Variants in NXN observed in about 807,000 individuals in gnomAD.
NXN encodes the protein nucleoredoxin 1.
Under a neutral mutation model 48.6 loss-of-function variants are expected in NXN, and 16 were observed. That is an observed-to-expected ratio of 0.33 (90% CI 0.22 to 0.50). The LOEUF (loss-of-function observed/expected upper bound fraction) is 0.50. Ranked by LOEUF, NXN falls within the 20% of genes least tolerant of loss-of-function variation. NXN has a pLI of 0.98. For missense variants in NXN, 492 were observed against 605.5 expected, an observed-to-expected ratio of 0.81 and a Z score of 1.97; for synonymous variants, 281 against 269.6, an observed-to-expected ratio of 1.04 and a Z score of -0.41.
intron 1 of NXN, among the ~76,000 whole-genome samples, chr17:903,502 C>T (rs767963654): frequency 6.6e-6 from 1 of 152,154 alleles, no homozygotes; most frequent in Non-Finnish European, 1.5e-5. Context: ...CCCACCTCCA[C>T]CTCCTGAGTA....
rs569708797 is a variant in NXN, at chr17:948,237, A to G, written c.360+31082T>C. 7.9e-4 allele frequency among the ~76,000 whole-genome samples: 120 copies of G among 152,276 alleles called. No individual in the cohort carries two copies. The South Asian group carries it at 0.024, about 30-fold the overall frequency. The stretch of plus-strand genomic sequence containing the variant: ...CTAGAGGTAATTTACAGTACACAGG[A>G]TTACCCCATTTACCCTGGTGTGATG... On this transcript the variant is annotated intron_variant, in intron 1 of 7. Transcript: ENST00000336868.
chr17:887,430 T>A (rs1402067096), intron 1 of NXN, among the ~76,000 whole-genome samples: 1 of 152,108 alleles, frequency 6.6e-6, no homozygotes, highest in Non-Finnish European at 1.5e-5. Flanking sequence ...CTGCCGTTCA[T>A]ATGCTCGTCA....
At chr17:864,327 C>T (rs765320806) in intron 1 of NXN, among the ~76,000 whole-genome samples, 5 of 152,316 alleles carry the variant, frequency 3.3e-5, no homozygotes, top group Non-Finnish European at 4.4e-5. Context: ...ATCAAAACCA[C>T]GGTTCTTCAG....
At chr17:844,418 T>G (rs572058550) in intron 1 of NXN, among the ~76,000 whole-genome samples, 1 of 152,068 alleles carries the variant, frequency 6.6e-6, no homozygotes, top group Admixed American at 6.6e-5. Flanking sequence ...CTGCCCTCCT[T>G]AGCTGGAAGG....
chr17:835,736 G>A (rs1168725065), intron 1 of NXN, among the ~76,000 whole-genome samples: 8 of 135,808 alleles, frequency 5.9e-5, no homozygotes, highest in Middle Eastern at 3.4e-3. Context: ...AAAAAACACC[G>A]GTGGGATTCG....
intron 1 of NXN, among the ~76,000 whole-genome samples, chr17:851,938 A>C (rs1289036968): frequency 6.6e-6 from 1 of 152,248 alleles, no homozygotes. Flanking sequence ...ATGGCGCCAC[A>C]GCGAGACTTT....
chr17:879,695 A>G (rs1432805943), intron 1 of NXN, among the ~76,000 whole-genome samples: 1 of 152,114 alleles, frequency 6.6e-6, no homozygotes, highest in African/African-American at 2.4e-5. Context: ...CCTCTTGGGA[A>G]CCCGCTGGGG....
At chr17:853,840 C>T (rs1425660299) in intron 1 of NXN, among the ~76,000 whole-genome samples, 1 of 151,512 alleles carries the variant, frequency 6.6e-6, no homozygotes, top group Admixed American at 6.6e-5. Context: ...TCTCCTGCCC[C>T]AGCCTCCCAA....
intron 1 of NXN, among the ~76,000 whole-genome samples, chr17:856,324 C>T (rs2067985853): frequency 6.6e-6 from 1 of 152,100 alleles, no homozygotes; most frequent in Admixed American, 6.6e-5. Context: ...TCTGCAAACA[C>T]AAAACAAACT....
intron 5 of NXN, among the ~76,000 whole-genome samples, chr17:817,689 A>G (rs1912559595): frequency 6.6e-6 from 1 of 150,502 alleles, no homozygotes; most frequent in Non-Finnish European, 1.5e-5. Context: ...AAAAAAAAAA[A>G]GAGCCTGATG....
intron 1 of NXN, among the ~76,000 whole-genome samples, chr17:887,114 A>C (rs1210209638): frequency 6.6e-6 from 1 of 151,276 alleles, no homozygotes; most frequent in East Asian, 1.9e-4. Context: ...TGGGGGTCTC[A>C]CCATGTTGCC....
At chr17:802,367 G>T (rs1225807660) in intron 7 of NXN, among the ~76,000 whole-genome samples, 1 of 152,134 alleles carries the variant, frequency 6.6e-6, no homozygotes, top group East Asian at 1.9e-4. Flanking sequence ...GCAGCCCCTC[G>T]TCCACTCTGA....
At chr17:937,616 C>T (rs2150602600) in intron 1 of NXN, among the ~76,000 whole-genome samples, 1 of 152,302 alleles carries the variant, frequency 6.6e-6, no homozygotes, top group Admixed American at 6.5e-5. Flanking sequence ...TGGGGTCCCC[C>T]CACCGCCCTC....
intron 1 of NXN, among the ~76,000 whole-genome samples, chr17:943,848 AAG>A (rs1343085826): frequency 1.3e-5 from 2 of 151,624 alleles, no homozygotes; most frequent in African/African-American, 4.8e-5. Flanking sequence ...AAAAATGGTG[AAG>A]ACAGTAAATT....
intron 1 of NXN, among the ~76,000 whole-genome samples, chr17:960,130 A>T (rs886321451): frequency 5.9e-5 from 9 of 152,164 alleles, no homozygotes; most frequent in African/African-American, 2.2e-4. Flanking sequence ...TACATTTGGA[A>T]CATGTGGGAA....
chr17:868,530 C>T (rs563769769), intron 1 of NXN, among the ~76,000 whole-genome samples: 22 of 152,040 alleles, frequency 1.4e-4, no homozygotes, highest in African/African-American at 5.3e-4. Context: ...CTCGCTCTGT[C>T]GCCCAGGCTG....
chr17:904,140 T>G (rs907329403), intron 1 of NXN, among the ~76,000 whole-genome samples: 5 of 152,240 alleles, frequency 3.3e-5, no homozygotes, highest in African/African-American at 1.2e-4. Flanking sequence ...GGCCAAACTC[T>G]GTCCGTACAT....
At chr17:953,552 A>G (rs1446803880) in intron 1 of NXN, among the ~76,000 whole-genome samples, 1 of 152,126 alleles carries the variant, frequency 6.6e-6, no homozygotes, top group Non-Finnish European at 1.5e-5. Context: ...CCCAGCATAA[A>G]CCTGTTAGGA....
intron 1 of NXN, among the ~76,000 whole-genome samples, chr17:909,062 G>A (rs1179012136): frequency 2.9e-5 from 4 of 138,032 alleles, no homozygotes; most frequent in Non-Finnish European, 6.0e-5. Flanking sequence ...TCACACCACT[G>A]CACTCCAGCC....
Sources: allele counts gnomAD v4.1 joint callset (sites outside exome capture counted in the v4.1 genomes callset), GRCh38; gene constraint gnomAD v4.1.1; transcripts MANE v1.5; gene names NCBI Gene and HGNC (gene_info 2026-07-23, HGNC 2026-07-21).